Variants in MCPH1 observed in about 807,000 individuals in gnomAD.
The protein encoded by MCPH1 is microcephalin 1.
A neutral mutation model predicts 84.5 loss-of-function variants in MCPH1; 104 were observed. That is an observed-to-expected ratio of 1.23 (90% CI 1.05 to 1.45). MCPH1 has a LOEUF of 1.45. Among genes scored for constraint, MCPH1 ranks in the 40% most tolerant of loss-of-function variants. The pLI, the probability that MCPH1 is intolerant of heterozygous loss-of-function variation, is 0.00. For missense variants in MCPH1, 1,498 were observed against 1,005.7 expected, an observed-to-expected ratio of 1.49 and a Z score of -6.62; for synonymous variants, 514 against 366.8, an observed-to-expected ratio of 1.40 and a Z score of -4.58.
intron 12 of MCPH1, among the ~76,000 whole-genome samples, chr8:6,579,078 T>G (rs1054322829): frequency 1.3e-5 from 2 of 152,344 alleles, no homozygotes; most frequent in East Asian, 3.9e-4. Context: ...TATTGAGAAC[T>G]GCACCAGACT....
intron 11 of MCPH1, among the ~76,000 whole-genome samples, chr8:6,488,243 C>T (rs1810164754): frequency 6.6e-6 from 1 of 152,198 alleles, no homozygotes; most frequent in Non-Finnish European, 1.5e-5. Context: ...CTGGCAAGAC[C>T]CCAAGGTGCG....
At chr8:6,627,828 G>A (rs963950521) in intron 13 of MCPH1, among the ~76,000 whole-genome samples, 2 of 152,118 alleles carry the variant, frequency 1.3e-5, no homozygotes, top group African/African-American at 4.8e-5. Context: ...GGAGGTCAGT[G>A]CTGCAGTGAG....
At chr8:6,471,196 A>G (rs1169922889) in intron 9 of MCPH1, among the ~76,000 whole-genome samples, 1 of 152,148 alleles carries the variant, frequency 6.6e-6, no homozygotes, top group Non-Finnish European at 1.5e-5. Context: ...TCTTTCCCCA[A>G]AAGGGCTTTG....
At chr8:6,453,095 A>G (rs1454307008) in intron 8 of MCPH1, among the ~76,000 whole-genome samples, 2 of 152,148 alleles carry the variant, frequency 1.3e-5, no homozygotes, top group East Asian at 1.9e-4. Context: ...CCATGAAAAA[A>G]CCACACTTAG....
In MCPH1 at chr8:6,645,764, C is replaced by T. The variant is rs930913596; in HGVS notation, c.*2715C>T. ...GCAATTCAAAATGAAATTAAGACCA[C>T]GATTCCATTTAAAATTGCATCTAAA... is the stretch of plus-strand genomic sequence containing the variant. On this transcript the variant is annotated 3_prime_UTR_variant, in exon 14 of 14. Transcript: ENST00000344683. 6 of 151,988 alleles carry T rather than the reference C, an allele frequency of 3.9e-5. No individual in the cohort carries two copies. The highest frequency in any genetic ancestry group is 2.1e-4 in the South Asian group (1 of 4,816). 9.4% of individuals were successfully genotyped at this position (151,988 alleles called of 1,614,324 possible).
chr8:6,427,804 T>G (rs1801273619), intron 3 of MCPH1, among the ~76,000 whole-genome samples: 1 of 151,972 alleles, frequency 6.6e-6, no homozygotes, highest in Admixed American at 6.6e-5. Flanking sequence ...TGTTTTTTTT[T>G]TTTTTTGAAA....
intron 12 of MCPH1, among the ~76,000 whole-genome samples, chr8:6,598,188 A>C (rs1477427839): frequency 6.6e-6 from 1 of 152,200 alleles, no homozygotes; most frequent in African/African-American, 2.4e-5. Context: ...CAGAGTGAGC[A>C]CCAGAGACTC....
intron 12 of MCPH1, among the ~76,000 whole-genome samples, chr8:6,600,862 C>A (rs1829304927): frequency 6.6e-6 from 1 of 152,166 alleles, no homozygotes; most frequent in Non-Finnish European, 1.5e-5. Context: ...ATTGAGGAGA[C>A]ATTGCCTAGA....
At chr8:6,451,298 T>C (rs746993260) in intron 8 of MCPH1, among the ~76,000 whole-genome samples, 1 of 152,230 alleles carries the variant, frequency 6.6e-6, no homozygotes, top group South Asian at 2.1e-4. Flanking sequence ...CATTTACATA[T>C]TCATTTTTTA....
chr8:6,447,611 C>T (rs1217909454), intron 8 of MCPH1, among the ~76,000 whole-genome samples: 2 of 152,188 alleles, frequency 1.3e-5, no homozygotes, highest in Admixed American at 1.3e-4. Context: ...AGTGCAGTGG[C>T]ACAATCTCAG....
intron 8 of MCPH1, 146 bp from the exon 9 acceptor site, chr8:6,454,997 G>C: frequency 1.5e-6 from 1 of 668,274 alleles, no homozygotes; most frequent in Non-Finnish European, 2.7e-6. Flanking sequence ...GTTCTAGATA[G>C]ATCTCAAAGA....
chr8:6,595,338 T>C (rs113753990), intron 12 of MCPH1, among the ~76,000 whole-genome samples: 2,527 of 151,962 alleles, frequency 0.017, 78 homozygotes, highest in African/African-American at 0.058. Flanking sequence ...GATAGAAACA[T>C]GGGAGATGGG....
At chr8:6,448,433 C>T (rs2916748) in intron 8 of MCPH1, among the ~76,000 whole-genome samples, 1 of 152,162 alleles carries the variant, frequency 6.6e-6, no homozygotes, top group Non-Finnish European at 1.5e-5. Flanking sequence ...GACCTTCAGT[C>T]TCTGACAAGG....
intron 13 of MCPH1, chr8:6,627,444 T>A (rs1224557489): frequency 4.8e-6 from 1 of 207,814 alleles, no homozygotes; most frequent in Non-Finnish European, 8.4e-6. Flanking sequence ...AGAAAATGTT[T>A]GTGGAATTCA....
chr8:6,560,452 T>G (rs1052864958), intron 12 of MCPH1, among the ~76,000 whole-genome samples: 2 of 152,226 alleles, frequency 1.3e-5, no homozygotes, highest in Non-Finnish European at 2.9e-5. Context: ...TGAGGTTACA[T>G]TTAATCACTT....
intron 12 of MCPH1, among the ~76,000 whole-genome samples, chr8:6,505,262 T>TATG (rs1563305275): frequency 9.0e-4 from 21 of 23,452 alleles, no homozygotes; most frequent in East Asian, 6.1e-3. Flanking sequence ...TATATATGTT[T>TATG]TATATATATG....
intron 12 of MCPH1, among the ~76,000 whole-genome samples, chr8:6,607,456 T>C (rs10089770): frequency 0.64 from 96,730 of 152,108 alleles, 33,361 homozygotes; most frequent in Non-Finnish European, 0.79. Flanking sequence ...TGTGTGCCTG[T>C]TTTCCTCTTG....
At chr8:6,623,101 C>G (rs545851605) in intron 13 of MCPH1, among the ~76,000 whole-genome samples, 1 of 149,080 alleles carries the variant, frequency 6.7e-6, no homozygotes, top group East Asian at 2.0e-4. Flanking sequence ...GATCCTCCTG[C>G]TTTGGCTTCC....
intron 12 of MCPH1, among the ~76,000 whole-genome samples, chr8:6,529,270 T>C (rs1001347745): frequency 2.0e-5 from 3 of 152,168 alleles, no homozygotes; most frequent in African/African-American, 2.4e-5. Context: ...CAGCCACCCA[T>C]TGTTGCTCAA....
Sources: gnomAD v4.1 joint callset for allele counts (sites outside exome capture counted in the v4.1 genomes callset) on GRCh38, gnomAD v4.1.1 for gene constraint, MANE v1.5 for transcripts, NCBI Gene and HGNC (gene_info 2026-07-23, HGNC 2026-07-21) for gene names.